The following ADORA2B variants were observed in gnomAD, a reference collection of about 807,000 sequenced individuals.
The protein encoded by ADORA2B is adenosine receptor A2b.
In ADORA2B, 18 loss-of-function variants were observed where a neutral mutation model predicts 20.8. The observed-to-expected ratio is 0.87, with a 90% CI of 0.60 to 1.29. The LOEUF (loss-of-function observed/expected upper bound fraction) is 1.29, where lower values mean the gene tolerates loss of function less well. Among genes scored for constraint, ADORA2B ranks in the 50% most tolerant of loss-of-function variants. The pLI is 0.00. For missense variants in ADORA2B, 441 were observed against 422.7 expected (o/e 1.04, Z -0.38); for synonymous variants, 179 against 178.3 (o/e 1.00, Z -0.03).
At chr17:15,885,199 C>T in the ADORA2B span, among the ~76,000 whole-genome samples, 3 of 152,140 alleles carry the variant, frequency 2.0e-5, no homozygotes, top group South Asian at 2.1e-4. Context: ...TATGTTTCTC[C>T]GCCACGTGAA....
the ADORA2B span, among the ~76,000 whole-genome samples, chr17:15,917,525 C>A: frequency 1.3e-5 from 2 of 152,242 alleles, no homozygotes; most frequent in Non-Finnish European, 2.9e-5. Context: ...TGGGGTCTGA[C>A]GCCCGAGGAC....
At position 15,948,930 on chromosome 17, in the gene ADORA2B, G is replaced by A. The variant is rs7213060; in HGVS notation, c.335+3347G>A. Among the ~76,000 whole-genome samples, 169 of 152,240 alleles carry A rather than the reference G, an allele frequency of 1.1e-3. 1 individual carries two copies. Among genetic ancestry groups the A allele is most frequent in the African/African-American group, 3.9e-3 (163 of 41,558 alleles). On this transcript the variant is annotated intron_variant, in intron 1 of 1. Coordinates refer to ENST00000304222, the MANE Select transcript of ADORA2B (RefSeq NM_000676.4). Reference sequence around the variant, plus strand: ...CTTAAAAAAATTGAGCTATAGGGCCGGGCACGGTGGCTCACGCCTGTAATC... The same window carrying A: ...CTTAAAAAAATTGAGCTATAGGGCCAGGCACGGTGGCTCACGCCTGTAATC...
intron 1 of ADORA2B, among the ~76,000 whole-genome samples, chr17:15,955,355 A>C (rs8064754): frequency 0.062 from 9,342 of 150,940 alleles, 973 homozygotes; most frequent in African/African-American, 0.21. Context: ...TTAATTCCTT[A>C]TCTCCATTTC....
chr17:15,878,914 A>C, the ADORA2B span, among the ~76,000 whole-genome samples: 1 of 152,140 alleles, frequency 6.6e-6, no homozygotes, highest in East Asian at 1.9e-4. Flanking sequence ...AAATTCTTAC[A>C]TATCTGGGGG....
chr17:15,967,350 A>G (rs757959360), intron 1 of ADORA2B, among the ~76,000 whole-genome samples: 48 of 151,716 alleles, frequency 3.2e-4, no homozygotes, highest in South Asian at 1.5e-3. Context: ...CTCCTGCTTC[A>G]GCCTCATGAA....
At chr17:15,924,656 C>T in the ADORA2B span, among the ~76,000 whole-genome samples, 10 of 151,748 alleles carry the variant, frequency 6.6e-5, no homozygotes, top group African/African-American at 1.2e-4. Flanking sequence ...AGGAGAATGG[C>T]GTGAACCCAG....
intron 1 of ADORA2B, among the ~76,000 whole-genome samples, chr17:15,951,862 C>T (rs1183610138): frequency 6.6e-6 from 1 of 152,114 alleles, no homozygotes; most frequent in African/African-American, 2.4e-5. Context: ...GAAGGAGGGC[C>T]CGCTCAAGCC....
At chr17:15,894,660 G>A in the ADORA2B span, among the ~76,000 whole-genome samples, 2 of 152,202 alleles carry the variant, frequency 1.3e-5, no homozygotes, top group South Asian at 4.1e-4. Flanking sequence ...GACAGAATCA[G>A]CTGGACTTAG....
At chr17:15,879,238 G>T in the ADORA2B span, among the ~76,000 whole-genome samples, 6,176 of 152,102 alleles carry the variant, frequency 0.041, 293 homozygotes, top group African/African-American at 0.11. Flanking sequence ...ATCGCTTGAG[G>T]CCAGGAGTTT....
the ADORA2B span, among the ~76,000 whole-genome samples, chr17:15,853,948 T>C: frequency 6.6e-6 from 1 of 152,048 alleles, no homozygotes; most frequent in Non-Finnish European, 1.5e-5. Flanking sequence ...GATACATTTA[T>C]TTATTTATTT....
At chr17:15,960,237 A>G (rs1970018207) in intron 1 of ADORA2B, among the ~76,000 whole-genome samples, 1 of 146,904 alleles carries the variant, frequency 6.8e-6, no homozygotes. Flanking sequence ...TGCAAAAGTA[A>G]TTGTGGTTTT....
chr17:15,898,978 C>T, the ADORA2B span, among the ~76,000 whole-genome samples: 4 of 151,972 alleles, frequency 2.6e-5, no homozygotes, highest in Admixed American at 2.6e-4. Context: ...GCCCATAATC[C>T]CAGCATTTTG....
intron 1 of ADORA2B, among the ~76,000 whole-genome samples, chr17:15,950,737 T>C (rs1969889583): frequency 6.6e-6 from 1 of 152,200 alleles, no homozygotes; most frequent in South Asian, 2.1e-4. Flanking sequence ...GTGAAATCCC[T>C]ATGCCCTACC....
intron 1 of ADORA2B, among the ~76,000 whole-genome samples, chr17:15,946,570 G>C (rs1969809391): frequency 6.6e-6 from 1 of 152,224 alleles, no homozygotes; most frequent in Non-Finnish European, 1.5e-5. Flanking sequence ...AAATCACAGA[G>C]TAGGAAGGAA....
chr17:15,903,530 C>G, the ADORA2B span, among the ~76,000 whole-genome samples: 1 of 152,130 alleles, frequency 6.6e-6, no homozygotes, highest in African/African-American at 2.4e-5. Context: ...AGACCCTCCC[C>G]CCAAGCACCT....
At chr17:15,961,023 CAGG>C (rs1478564772) in intron 1 of ADORA2B, among the ~76,000 whole-genome samples, 1 of 151,018 alleles carries the variant, frequency 6.6e-6, no homozygotes, top group East Asian at 1.9e-4. Flanking sequence ...AAAAATTAGC[CAGG>C]CGTGGTGGCG....
At chr17:15,866,847 C>T in the ADORA2B span, among the ~76,000 whole-genome samples, 30 of 151,872 alleles carry the variant, frequency 2.0e-4, no homozygotes, top group African/African-American at 7.3e-4. Context: ...CAAAGCTGGA[C>T]TGTACTGCTG....
the ADORA2B span, among the ~76,000 whole-genome samples, chr17:15,867,113 G>A: frequency 1.3e-5 from 2 of 152,206 alleles, no homozygotes; most frequent in African/African-American, 4.8e-5. Flanking sequence ...CTGGAGTGCA[G>A]TGGCGTGATC....
chr17:15,953,429 G>T (rs1483780996), intron 1 of ADORA2B, among the ~76,000 whole-genome samples: 2 of 152,186 alleles, frequency 1.3e-5, no homozygotes, highest in East Asian at 3.9e-4. Context: ...CTCTGCCGGG[G>T]GCAGCCCCCA....
Sources: allele counts gnomAD v4.1 joint callset (sites outside exome capture counted in the v4.1 genomes callset), GRCh38; gene constraint gnomAD v4.1.1; transcripts MANE v1.5; gene names NCBI Gene and HGNC (gene_info 2026-07-23, HGNC 2026-07-21).